SLC28A1: variants seen among roughly 807,000 people sequenced by gnomAD.
SLC28A1 encodes the protein solute carrier family 28 member 1.
In SLC28A1, 64 loss-of-function variants were observed where a neutral mutation model predicts 74.8. The observed-to-expected ratio is 0.86, with a 90% CI of 0.70 to 1.05. SLC28A1 has a LOEUF of 1.05. SLC28A1 is among the 50% of genes least tolerant of loss of function. The probability of loss-of-function intolerance (pLI) is 0.00; values close to 1 mark genes in which losing one functional copy is unlikely to be tolerated. For synonymous variants in SLC28A1, 359 were observed against 335.0 expected, an observed-to-expected ratio of 1.07 and a Z score of -0.78; for missense variants, 828 against 822.8, an observed-to-expected ratio of 1.01 and a Z score of -0.08.
At chr15:84,973,142 G>A in the SLC28A1 span, among the ~76,000 whole-genome samples, 1 of 152,222 alleles carries the variant, frequency 6.6e-6, no homozygotes, top group South Asian at 2.1e-4. Context: ...TAGCTATCCT[G>A]GCCCTCTTTC....
chr15:84,887,259 A>T, intron 2 of SLC28A1: 1 of 631,450 alleles, frequency 1.6e-6, no homozygotes, highest in Non-Finnish European at 2.0e-6. Context: ...CTCTCTTCAG[A>T]AAAATGCCTG....
intron 1 of SLC28A1, among the ~76,000 whole-genome samples, chr15:84,885,260 CTT>C (rs1163597445): frequency 2.8e-5 from 4 of 142,742 alleles, no homozygotes; most frequent in Non-Finnish European, 4.6e-5. Flanking sequence ...TGCCCCCCCT[CTT>C]TTTTTTTTTT....
chr15:84,968,952 C>T, the SLC28A1 span, among the ~76,000 whole-genome samples: 1 of 152,196 alleles, frequency 6.6e-6, no homozygotes, highest in African/African-American at 2.4e-5. Flanking sequence ...GGGGCACCCT[C>T]TGGGACACTC....
At chr15:84,963,645 A>C in the SLC28A1 span, among the ~76,000 whole-genome samples, 1 of 152,236 alleles carries the variant, frequency 6.6e-6, no homozygotes, top group East Asian at 1.9e-4. Context: ...GAGCCTGTCT[A>C]TCAGCCATTG....
chr15:84,914,134 G>A (rs1354703920), intron 9 of SLC28A1, among the ~76,000 whole-genome samples: 2 of 152,000 alleles, frequency 1.3e-5, no homozygotes, highest in Non-Finnish European at 2.9e-5. Context: ...AATTTTGGTA[G>A]ATACAGGGTC....
At chr15:84,930,726 C>T (rs570287601) in intron 12 of SLC28A1, among the ~76,000 whole-genome samples, 147 of 151,680 alleles carry the variant, frequency 9.7e-4, no homozygotes, top group African/African-American at 3.5e-3. Flanking sequence ...GTGCCTCAGC[C>T]TCCCAAATAG....
chr15:84,916,240 C>CCATGCCTGGCCTTTTTT, intron 9 of SLC28A1, among the ~76,000 whole-genome samples: 1 of 98,410 alleles, frequency 1.0e-5, no homozygotes, highest in African/African-American at 4.9e-5. Flanking sequence ...GCTGGGATTA[C>CCATGCCTGGCCTTTTTT]TTTTTTTTTT....
In SLC28A1 at chr15:84,943,959, GA is replaced by G. The variant is rs1973008296; in HGVS notation, c.1663+435del. On this transcript the variant is annotated intron_variant, in intron 16 of 18. Transcript: ENST00000394573. Reference sequence around the variant, plus strand: ...TTCATAGAGTTTCCTCCTAGCCCTAGAATTCCGATTCTCTGCTGCTGCTGGT... The same window carrying G: ...TTCATAGAGTTTCCTCCTAGCCCTAGATTCCGATTCTCTGCTGCTGCTGGT... Among the ~76,000 whole-genome samples, 3 of 152,104 alleles carry G rather than the reference GA, an allele frequency of 2.0e-5. 1 individual carries two copies. Among genetic ancestry groups the G allele is most frequent in the Admixed American group, 2.0e-4 (3 of 15,280 alleles).
chr15:84,963,203 T>C, the SLC28A1 span, among the ~76,000 whole-genome samples: 10 of 152,248 alleles, frequency 6.6e-5, no homozygotes, highest in Non-Finnish European at 1.2e-4. Flanking sequence ...GCCAAACCAC[T>C]CCAGCCTTGC....
chr15:84,927,489 C>T (rs538301857), intron 12 of SLC28A1, among the ~76,000 whole-genome samples: 2 of 151,854 alleles, frequency 1.3e-5, no homozygotes, highest in East Asian at 3.9e-4. Context: ...GTAGACTCTT[C>T]TTGGGCTCTC....
chr15:84,916,752 G>A (rs1206080874), intron 9 of SLC28A1, among the ~76,000 whole-genome samples: 1 of 152,196 alleles, frequency 6.6e-6, no homozygotes, highest in African/African-American at 2.4e-5. Context: ...GAACAACTGG[G>A]CACAGTGGCT....
intron 4 of SLC28A1, among the ~76,000 whole-genome samples, chr15:84,889,604 G>A (rs1965043994): frequency 6.6e-6 from 1 of 152,164 alleles, no homozygotes; most frequent in Admixed American, 6.5e-5. Context: ...ATGAACGACA[G>A]GGGAGGGGAG....
the SLC28A1 span, among the ~76,000 whole-genome samples, chr15:84,951,236 C>T: frequency 6.6e-6 from 1 of 151,830 alleles, no homozygotes; most frequent in Non-Finnish European, 1.5e-5. Flanking sequence ...TCTCTTGAGC[C>T]CTGGAGTTTG....
At chr15:84,902,085 A>G (rs977770576) in intron 6 of SLC28A1, among the ~76,000 whole-genome samples, 1 of 151,760 alleles carries the variant, frequency 6.6e-6, no homozygotes, top group Admixed American at 6.5e-5. Flanking sequence ...AAATAATTAC[A>G]CTAAGTGAAA....
At chr15:84,934,355 A>G (rs1019370127) in intron 13 of SLC28A1, among the ~76,000 whole-genome samples, 3 of 152,142 alleles carry the variant, frequency 2.0e-5, no homozygotes, top group African/African-American at 7.2e-5. Flanking sequence ...TATGTGCCTG[A>G]GCTCTGACTG....
At position 84,904,110 on chromosome 15, in the gene SLC28A1, G is replaced by A; in HGVS notation, c.475G>A (p.Ala159Thr). Residue 159 changes from alanine to threonine, a missense_variant, in exon 7 of 19, where the codon GCT (alanine) becomes ACT (threonine). Ala to Thr is a moderately conservative substitution (Grantham distance 58). This residue lies in a region of SLC28A1 where 767 missense variants were observed against 753.5 expected (regional missense o/e 1.02). Coordinates refer to ENST00000394573, the MANE Select transcript of SLC28A1 (RefSeq NM_004213.5). Reference sequence around the variant, plus strand: ...TCTTGCCTGCAGGGGTCTAGCTCTTGCTGCTTTCCTGGGCCTGGTCCTGTG... The same window carrying A: ...TCTTGCCTGCAGGGGTCTAGCTCTTACTGCTTTCCTGGGCCTGGTCCTGTG... ...LLWFKRGLAL[A>T]AFLGLVLWLS... is the part of the protein sequence containing the mutation. 6.2e-7 allele frequency: 1 copy of A among 1,614,212 alleles called. No homozygotes were observed. The highest frequency in any genetic ancestry group is 8.5e-7 in the Non-Finnish European group (1 of 1,180,042).
chr15:84,906,248 G>GACC (rs71135324), intron 8 of SLC28A1, among the ~76,000 whole-genome samples: 15,778 of 151,966 alleles, frequency 0.1, 1,052 homozygotes, highest in Non-Finnish European at 0.13. Flanking sequence ...TCGAACTCCT[G>GACC]ACCTCAGACG....
At chr15:84,929,024 A>G (rs569604885) in intron 12 of SLC28A1, among the ~76,000 whole-genome samples, 1 of 152,240 alleles carries the variant, frequency 6.6e-6, no homozygotes, top group South Asian at 2.1e-4. Flanking sequence ...CTAGATCTCC[A>G]CGGTCCAGTA....
chr15:84,908,606 C>G, intron 8 of SLC28A1, 112 bp from the exon 9 acceptor site: 2 of 840,684 alleles, frequency 2.4e-6, no homozygotes, highest in Non-Finnish European at 2.0e-6. Flanking sequence ...CGGATAAGGG[C>G]CTGGGGGGAC....
Sources: gnomAD v4.1 joint callset for allele counts (sites outside exome capture counted in the v4.1 genomes callset) on GRCh38, gnomAD v4.1.1 for gene constraint, gnomAD v4.1.1 regional missense constraint, MANE v1.5 for transcripts, NCBI Gene and HGNC (gene_info 2026-07-23, HGNC 2026-07-21) for gene names.